The following ISM2 variants were observed in gnomAD, a reference collection of about 807,000 sequenced individuals.
The protein encoded by ISM2 is isthmin 2, also known as isthmin-2.
In ISM2, 50 loss-of-function variants were observed where a neutral mutation model predicts 58.0. That is an observed-to-expected ratio of 0.86 (90% CI 0.69 to 1.09). The LOEUF (loss-of-function observed/expected upper bound fraction) is 1.09, where lower values mean the gene tolerates loss of function less well. Ranked by LOEUF, ISM2 falls within the 50% of genes least tolerant of loss-of-function variation. The pLI, the probability that ISM2 is intolerant of heterozygous loss-of-function variation, is 0.00. For missense variants in ISM2, 723 were observed against 745.0 expected (o/e 0.97, Z 0.34); for synonymous variants, 303 against 312.4 (o/e 0.97, Z 0.32).
chr14:77,477,899 A>G (rs2079107718), intron 6 of ISM2, among the ~76,000 whole-genome samples: 1 of 152,122 alleles, frequency 6.6e-6, no homozygotes, highest in Non-Finnish European at 1.5e-5. Flanking sequence ...CCCTCTCCAG[A>G]CAGAGCCTGC....
At chr14:77,477,811 G>A (rs532659441) in intron 6 of ISM2, among the ~76,000 whole-genome samples, 50 of 152,276 alleles carry the variant, frequency 3.3e-4, no homozygotes, top group African/African-American at 1.1e-3. Context: ...GCAGGTGGAC[G>A]CCTGCCCCAT....
Position 77,484,305 on chromosome 14 carries a change from C to T in ISM2, c.627+18G>A. On this transcript the variant is annotated intron_variant, in intron 3 of 6. Coordinates refer to ENST00000342219, the MANE Select transcript of ISM2 (RefSeq NM_199296.3). ...CTCCGGGTGTCTGCAGGGCTGCTGGCCCTTCTGTAGCTCTCACCTGGTTAT... is the reference window on the plus strand; with the variant it reads ...CTCCGGGTGTCTGCAGGGCTGCTGGTCCTTCTGTAGCTCTCACCTGGTTAT... The T allele has an allele frequency of 1.2e-6, 2 of 1,606,496 alleles. No homozygotes were observed. Among genetic ancestry groups the T allele is most frequent in the Non-Finnish European group, 1.7e-6 (2 of 1,175,930 alleles).
At chr14:77,488,805 G>A (rs749239098) in intron 1 of ISM2, among the ~76,000 whole-genome samples, 6 of 152,136 alleles carry the variant, frequency 3.9e-5, no homozygotes, top group African/African-American at 7.2e-5. Context: ...CAGGTCCCCC[G>A]AACACTGCTG....
rs772248918 is a variant in ISM2, at chr14:77,484,399, G to T, written c.551C>A (p.Thr184Asn). ...NATPPRTQEV[T>N]PLLLELQKLP... ...CTTCTGCAGCTCCAGCAGCAAGGGAGTAACCTCCTGGGTCCTGGGAGGCGT... is the reference window on the plus strand; with the variant it reads ...CTTCTGCAGCTCCAGCAGCAAGGGATTAACCTCCTGGGTCCTGGGAGGCGT... The change falls in exon 3 of 7, where the codon ACT becomes AAT. Residue 184 changes from threonine (T) to asparagine (N), a missense_variant. Coordinates refer to ENST00000342219, the MANE Select transcript of ISM2 (RefSeq NM_199296.3). The T allele has an allele frequency of 6.2e-7, 1 of 1,612,904 alleles. No individual in the cohort carries two copies. The highest frequency in any genetic ancestry group is 1.3e-5 in the African/African-American group (1 of 74,652).
intron 1 of ISM2, among the ~76,000 whole-genome samples, chr14:77,496,651 GC>G (rs1473126889): frequency 6.6e-6 from 1 of 151,568 alleles, no homozygotes; most frequent in Non-Finnish European, 1.5e-5. Flanking sequence ...ACAAAAATTA[GC>G]CGGGCGTGGT....
rs549886066 is a variant in ISM2, at chr14:77,479,810, C to T, written c.974-1095G>A. 5.9e-5 allele frequency among the ~76,000 whole-genome samples: 9 copies of T among 152,172 alleles called. No homozygotes were observed. In the South Asian group the frequency reaches 1.5e-3, roughly 25 times the overall value. On this transcript the variant is annotated intron_variant, in intron 4 of 6. Coordinates refer to ENST00000342219, the MANE Select transcript of ISM2 (RefSeq NM_199296.3). ...GATTACAGGCATGAGCCACTGCACC[C>T]GGCTAAGCCTGGCTAATTTTTAAAT...
intron 1 of ISM2, among the ~76,000 whole-genome samples, chr14:77,493,001 A>C (rs577771525): frequency 1.6e-4 from 25 of 151,946 alleles, no homozygotes; most frequent in Non-Finnish European, 8.8e-5. Flanking sequence ...ATCTCAAAAA[A>C]AGAAAAAAAA....
intron 3 of ISM2, chr14:77,484,023 T>C (rs2079150106): frequency 3.7e-6 from 1 of 273,326 alleles, no homozygotes; most frequent in Non-Finnish European, 6.9e-6. Context: ...CTACAAAGCA[T>C]TTCCCACTCA....
rs188625450 is a variant in ISM2 at position 77,476,779 on chromosome 14, A to G, written c.1199-667T>C. Reference sequence around the variant, plus strand: ...TAGAAGAGCTGGGGGGCCAGGCGCGATGGCTCACGCCTGTAATCTCAGCAC... The same window carrying G: ...TAGAAGAGCTGGGGGGCCAGGCGCGGTGGCTCACGCCTGTAATCTCAGCAC... On this transcript the variant is annotated intron_variant, in intron 6 of 6. Coordinates refer to ENST00000342219, the MANE Select transcript of ISM2 (RefSeq NM_199296.3). Among the ~76,000 whole-genome samples, 1,266 of 152,334 alleles carry G rather than the reference A, an allele frequency of 8.3e-3. 17 individuals are homozygous for G. The highest frequency in any genetic ancestry group is 0.029 in the African/African-American group (1,208 of 41,572).
intron 4 of ISM2, among the ~76,000 whole-genome samples, chr14:77,479,699 G>C (rs964236046): frequency 2.6e-5 from 4 of 152,046 alleles, no homozygotes; most frequent in Non-Finnish European, 5.9e-5. Context: ...ATTTTTAGTA[G>C]AGACGGCGTT....
At chr14:77,494,028 C>T (rs1038999446) in intron 1 of ISM2, among the ~76,000 whole-genome samples, 5 of 151,984 alleles carry the variant, frequency 3.3e-5, no homozygotes, top group East Asian at 1.9e-4. Context: ...CCGCCCGCCT[C>T]GGCCTCCCAA....
At position 77,484,699 on chromosome 14, in the gene ISM2, C is replaced by T. The variant is rs763535406; in HGVS notation, c.362G>A (p.Ser121Asn). 15 of 1,610,694 alleles carry T rather than the reference C, an allele frequency of 9.3e-6. No homozygotes were observed. Among genetic ancestry groups the T allele is most frequent in the East Asian group, 2.2e-5 (1 of 44,698 alleles). Residue 121 changes from serine (S) to asparagine (N), a missense_variant, in exon 2 of 7, where the codon AGT (serine) becomes AAT (asparagine). Coordinates refer to ENST00000342219, the MANE Select transcript of ISM2 (RefSeq NM_199296.3). ...KLPGLANTTLSTPNPDTQASA... is the reference protein window; with the variant it reads ...KLPGLANTTLNTPNPDTQASA... ...CACCTGGGTATCAGGGTTAGGGGTA[C>T]TCAAGGTTGTGTTGGCCAATCCCGG...
intron 4 of ISM2, among the ~76,000 whole-genome samples, chr14:77,480,990 T>A (rs1422535367): frequency 2.0e-5 from 3 of 152,142 alleles, no homozygotes; most frequent in Non-Finnish European, 2.9e-5. Flanking sequence ...GCTGCAACTA[T>A]GCATAAAACA....
Position 77,484,771 on chromosome 14 carries a change from G to A in ISM2, c.290C>T (p.Pro97Leu). Residue 97 changes from proline to leucine, a missense_variant, in exon 2 of 7, where the codon CCC becomes CTC. Coordinates refer to ENST00000342219, the MANE Select transcript of ISM2 (RefSeq NM_199296.3). ...AAMTPGNATP[P>L]RTPEVTPLRL... ...CAACGGAGTAACCTCTGGGGTCCTG[G>A]GAGGGGTGGCGTTGCCTGGGGTCAT... The A allele has an allele frequency of 6.2e-7, 1 of 1,611,738 alleles. No homozygotes were observed. Among genetic ancestry groups the A allele is most frequent in the South Asian group, 1.1e-5 (1 of 90,994 alleles).
chr14:77,498,631 G>C, intron 1 of ISM2, 22 bp downstream of exon 1: 1 of 1,436,058 alleles, frequency 7.0e-7, no homozygotes, highest in Non-Finnish European at 9.1e-7. Flanking sequence ...GCGCTCCGCA[G>C]CCCGGTGCCG....
At chr14:77,484,648 GGA>G in intron 2 of ISM2, 27 bp downstream of exon 2, 1 of 1,591,662 alleles carries the variant, frequency 6.3e-7, no homozygotes, top group Non-Finnish European at 8.5e-7. Flanking sequence ...GGCAGAGCCA[GGA>G]GCTGCTGGCC....
At chr14:77,478,520 C>A in intron 5 of ISM2, 55 bp downstream of exon 5, 2 of 1,585,896 alleles carry the variant, frequency 1.3e-6, no homozygotes, top group Non-Finnish European at 1.7e-6. Context: ...GGGGACCAAG[C>A]CTCCAGCCTA....
intron 1 of ISM2, among the ~76,000 whole-genome samples, chr14:77,495,031 C>T (rs970446312): frequency 2.0e-5 from 3 of 151,942 alleles, no homozygotes; most frequent in Non-Finnish European, 2.9e-5. Context: ...CTACGGGGGG[C>T]GCACCATCAC....
At chr14:77,484,636 C>A (rs1487290552) in intron 2 of ISM2, 41 bp downstream of exon 2, 2 of 1,610,086 alleles carry the variant, frequency 1.2e-6, no homozygotes, top group East Asian at 2.2e-5. Flanking sequence ...AAAGGCTGGC[C>A]AGGCAGAGCC....
Sources: gnomAD v4.1 joint callset for allele counts (sites outside exome capture counted in the v4.1 genomes callset) on GRCh38, gnomAD v4.1.1 for gene constraint, MANE v1.5 for transcripts, NCBI Gene and HGNC (gene_info 2026-07-23, HGNC 2026-07-21) for gene names.